Variants in NOL4L observed in about 807,000 individuals in gnomAD.
NOL4L encodes the protein nucleolar protein 4 like.
A neutral mutation model predicts 64.5 loss-of-function variants in NOL4L; 7 were observed. That is an observed-to-expected ratio of 0.11 (90% CI 0.06 to 0.20). NOL4L has a LOEUF of 0.20. NOL4L is among the 10% of genes least tolerant of loss of function. NOL4L has a pLI of 1.00. For missense variants in NOL4L, 680 were observed against 967.1 expected, an observed-to-expected ratio of 0.70 and a Z score of 3.94; for synonymous variants, 413 against 401.0, an observed-to-expected ratio of 1.03 and a Z score of -0.36.
chr20:32,560,779 G>A (rs951007215), intron 1 of NOL4L, among the ~76,000 whole-genome samples: 5 of 152,264 alleles, frequency 3.3e-5, no homozygotes, highest in African/African-American at 1.2e-4. Flanking sequence ...TGGACGGCTG[G>A]ATGGGGGACG....
chr20:32,532,540 A>T (rs2018381297), intron 1 of NOL4L: 1 of 181,476 alleles, frequency 5.5e-6, no homozygotes, highest in Admixed American at 6.5e-5. Context: ...GGCCTTCCCT[A>T]GCTAAGGATC....
intron 1 of NOL4L, among the ~76,000 whole-genome samples, chr20:32,545,364 G>A (rs2018717422): frequency 6.6e-6 from 1 of 152,150 alleles, no homozygotes; most frequent in Non-Finnish European, 1.5e-5. Flanking sequence ...ACAACCCCAA[G>A]CCCCAGTCCT....
chr20:32,494,644 T>C (rs2016614289), intron 4 of NOL4L, among the ~76,000 whole-genome samples: 1 of 152,150 alleles, frequency 6.6e-6, no homozygotes, highest in Admixed American at 6.5e-5. Flanking sequence ...CCACAGAGGG[T>C]AGAAACATGA....
chr20:32,454,981 G>A (rs1371675727), intron 6 of NOL4L, among the ~76,000 whole-genome samples: 1 of 152,218 alleles, frequency 6.6e-6, no homozygotes, highest in East Asian at 1.9e-4. Context: ...CTGGCCTGGT[G>A]CCTGTCTCTT....
At chr20:32,574,876 G>A (rs1189251274) in intron 1 of NOL4L, among the ~76,000 whole-genome samples, 8 of 151,732 alleles carry the variant, frequency 5.3e-5, no homozygotes, top group South Asian at 2.1e-4. Flanking sequence ...CTGCCCCTGC[G>A]CCTTCACCCC....
At chr20:32,581,664 G>A (rs1382499580) in intron 1 of NOL4L, among the ~76,000 whole-genome samples, 1 of 152,138 alleles carries the variant, frequency 6.6e-6, no homozygotes, top group Non-Finnish European at 1.5e-5. Flanking sequence ...AGCCCCCATG[G>A]GCTTCTTTAT....
chr20:32,500,622 G>C (rs1433523716), intron 4 of NOL4L, among the ~76,000 whole-genome samples: 1 of 148,792 alleles, frequency 6.7e-6, no homozygotes, highest in East Asian at 2.0e-4. Context: ...TTTTTAATAT[G>C]GTTTTCCAAT....
At chr20:32,470,098 A>C (rs2014894865) in intron 5 of NOL4L, among the ~76,000 whole-genome samples, 1 of 152,244 alleles carries the variant, frequency 6.6e-6, no homozygotes, top group Non-Finnish European at 1.5e-5. Context: ...ACCCTGCAGA[A>C]GGCGGATGCA....
intron 5 of NOL4L, among the ~76,000 whole-genome samples, chr20:32,461,421 CTTTTTTT>C (rs869282447): frequency 1.7e-5 from 1 of 58,346 alleles, no homozygotes. Context: ...CCTTTCTTTT[CTTTTTTT>C]TTTTTTTTTT....
At chr20:32,537,172 T>C (rs2018560450) in intron 1 of NOL4L, 1 of 935,828 alleles carries the variant, frequency 1.1e-6, no homozygotes, top group Non-Finnish European at 1.3e-6. Flanking sequence ...CCAAGCCTGA[T>C]CTCCCGTAGT....
chr20:32,566,303 G>A (rs1979426841), intron 1 of NOL4L, among the ~76,000 whole-genome samples: 1 of 152,188 alleles, frequency 6.6e-6, no homozygotes, highest in Non-Finnish European at 1.5e-5. Flanking sequence ...CCGTCACTCA[G>A]GGTGAGGAGC....
At position 32,567,486 on chromosome 20, in the gene NOL4L, A is replaced by T. The variant is rs146486855; in HGVS notation, c.321+17084T>A. ...AGAGGAGCCAGGGCACCATTTGTCC[A>T]AACTTACTTGGGCAAAACCAGACCT... is the stretch of plus-strand genomic sequence containing the variant. On this transcript the variant is annotated intron_variant, in intron 1 of 10. Transcript: ENST00000621426. Among the ~76,000 whole-genome samples the T allele has an allele frequency of 3.9e-4, 60 of 152,320 alleles. 1 individual carries two copies. The South Asian group carries it at 6.4e-3, about 16-fold the overall frequency.
chr20:32,534,806 G>A (rs2145589220), intron 1 of NOL4L, among the ~76,000 whole-genome samples: 1 of 151,696 alleles, frequency 6.6e-6, no homozygotes, highest in Admixed American at 6.6e-5. Context: ...ACTTGAGCCT[G>A]GGGAGGTGTA....
At chr20:32,574,493 A>G (rs190857542) in intron 1 of NOL4L, among the ~76,000 whole-genome samples, 222 of 152,260 alleles carry the variant, frequency 1.5e-3, no homozygotes, top group Non-Finnish European at 1.6e-3. Context: ...AAGGCTGTGG[A>G]AGCCAGGGGC....
intron 3 of NOL4L, among the ~76,000 whole-genome samples, chr20:32,515,043 A>C (rs1471322552): frequency 7.2e-5 from 11 of 152,186 alleles, no homozygotes; most frequent in South Asian, 2.1e-4. Context: ...CTGCAGTGTC[A>C]TGACTGTTCA....
intron 4 of NOL4L, among the ~76,000 whole-genome samples, chr20:32,483,900 C>T (rs1300566060): frequency 7.0e-6 from 1 of 143,202 alleles, no homozygotes; most frequent in Admixed American, 6.9e-5. Context: ...GACGCGCCGC[C>T]GTGCGCTTCG....
rs1188692133 is a variant in NOL4L at position 32,445,413 on chromosome 20, GTAAC to G, written c.*2179_*2182del. On this transcript the variant is annotated 3_prime_UTR_variant, in exon 11 of 11. Transcript: ENST00000621426. ...TCTGGGAGGAGAAGTGACACGTTAA[GTAAC>G]TGATACCAGGAATTCTAGGGTGGCG... is the stretch of plus-strand genomic sequence containing the variant. The G allele has an allele frequency of 6.6e-6, 1 of 152,220 alleles. No individual in the cohort carries two copies. The highest frequency in any genetic ancestry group is 6.5e-5 in the Admixed American group (1 of 15,284). The allele number at this position is 152,220 out of a possible 1,614,324, so 9.4% of individuals were successfully genotyped here. A position where few individuals can be genotyped will look rare whatever the true frequency, so the allele number is the denominator to read the frequency against.
intron 9 of NOL4L, 82 bp downstream of exon 9, chr20:32,452,802 C>T (rs1600630792): frequency 1.3e-6 from 2 of 1,576,176 alleles, no homozygotes; most frequent in Admixed American, 3.4e-5. Context: ...CCCATCACAG[C>T]TCCCTCAGTC....
intron 3 of NOL4L, among the ~76,000 whole-genome samples, chr20:32,514,367 C>G (rs2017551219): frequency 1.3e-5 from 2 of 152,232 alleles, no homozygotes; most frequent in African/African-American, 4.8e-5. Context: ...TGGCGCATGC[C>G]TGTAATCCCA....
Sources: gnomAD v4.1 joint callset for allele counts (sites outside exome capture counted in the v4.1 genomes callset) on GRCh38, gnomAD v4.1.1 for gene constraint, MANE v1.5 for transcripts, NCBI Gene and HGNC (gene_info 2026-07-23, HGNC 2026-07-21) for gene names.